CELF2: variants seen among roughly 807,000 people sequenced by gnomAD.
The protein encoded by CELF2 is CUGBP Elav-like family member 2, also known as CUG triplet repeat RNA-binding protein 2.
A neutral mutation model predicts 62.6 loss-of-function variants in CELF2; 8 were observed. The ratio of observed to expected loss-of-function variants is 0.13; its 90% CI spans 0.07 to 0.23. The LOEUF (loss-of-function observed/expected upper bound fraction) is 0.23. CELF2 is among the 10% of genes least tolerant of loss of function. The pLI is 1.00. For missense variants in CELF2, 333 were observed against 671.0 expected (o/e 0.50, Z 5.56); for synonymous variants, 258 against 250.0 (o/e 1.03, Z -0.30).
In CELF2 at chr10:11,224,279, G is replaced by A. The variant is rs185756362; in HGVS notation, c.354+6772G>A. ...CTTGTGTGAGAAAGTATGTTAACGC[G>A]CTGGTACTGGTGCCTGATCAGATTT... is the stretch of plus-strand genomic sequence containing the variant. On this transcript the variant is annotated intron_variant, in intron 3 of 12. Coordinates refer to ENST00000633077, the MANE Select transcript of CELF2 (RefSeq NM_001326342.2). This position sits in a 1 kb window ranked among gnomAD's most constrained non-coding sequence, Gnocchi z 4.5. Among the ~76,000 whole-genome samples, 69 of 152,236 alleles carry A rather than the reference G, an allele frequency of 4.5e-4. No individual in the cohort carries two copies. Among genetic ancestry groups the A allele is most frequent in the African/African-American group, 1.4e-3 (60 of 41,530 alleles).
At chr10:10,797,721 G>A (rs1287949272), upstream of CELF2, among the ~76,000 whole-genome samples, 1 of 152,194 alleles carries the variant, frequency 6.6e-6, no homozygotes, top group African/African-American at 2.4e-5. Flanking sequence ...GAGGGCAGGA[G>A]GAAGAGCTTC....
chr10:10,482,507 C>T, the CELF2 span, among the ~76,000 whole-genome samples: 1 of 152,146 alleles, frequency 6.6e-6, no homozygotes, highest in African/African-American at 2.4e-5. Flanking sequence ...TTCATACAAC[C>T]TTAACTATGC....
chr10:11,230,461 G>A (rs1434214142), intron 3 of CELF2, among the ~76,000 whole-genome samples: 4 of 152,292 alleles, frequency 2.6e-5, no homozygotes, highest in Non-Finnish European at 5.9e-5. Flanking sequence ...CACACTTCTC[G>A]CAAGTGCTGG....
At chr10:10,774,168 C>T in the CELF2 span, among the ~76,000 whole-genome samples, 2 of 152,212 alleles carry the variant, frequency 1.3e-5, no homozygotes, top group East Asian at 3.9e-4. Flanking sequence ...TAAGCATTCA[C>T]TCATCAGTGT....
chr10:10,911,623 C>A (rs549528463), intron 1 of CELF2, among the ~76,000 whole-genome samples: 3 of 152,358 alleles, frequency 2.0e-5, no homozygotes, highest in African/African-American at 7.2e-5. Context: ...CACGGCAGCG[C>A]CTCTCCGCAA....
chr10:10,988,289 A>C (rs895984711), intron 2 of CELF2, among the ~76,000 whole-genome samples: 2 of 150,100 alleles, frequency 1.3e-5, no homozygotes, highest in African/African-American at 5.0e-5. Context: ...ATATATATAT[A>C]TATATAGAGA....
chr10:11,022,210 G>A (rs1227346364), intron 1 of CELF2, among the ~76,000 whole-genome samples: 1 of 152,138 alleles, frequency 6.6e-6, no homozygotes, highest in Admixed American at 6.6e-5. Context: ...TTTTTGAAGT[G>A]TTTTTTTCAG....
chr10:11,277,296 A>G (rs1481008276), intron 8 of CELF2, among the ~76,000 whole-genome samples: 3 of 152,186 alleles, frequency 2.0e-5, no homozygotes, highest in Non-Finnish European at 2.9e-5. Flanking sequence ...TGCACATGTT[A>G]TGGAGTGACC....
At chr10:11,108,709 TCTCCA>T (rs1169719242) in intron 1 of CELF2, among the ~76,000 whole-genome samples, 15 of 152,224 alleles carry the variant, frequency 9.9e-5, no homozygotes, top group African/African-American at 3.6e-4. Context: ...TTTCCCCACG[TCTCCA>T]CTTGGTGTTG....
chr10:10,915,184 G>C (rs982220004), intron 1 of CELF2, among the ~76,000 whole-genome samples: 3 of 150,450 alleles, frequency 2.0e-5, no homozygotes, highest in Non-Finnish European at 3.0e-5. Flanking sequence ...CTTGAAATCA[G>C]ATTATCTTGG....
intron 1 of CELF2, among the ~76,000 whole-genome samples, chr10:11,037,448 G>C (rs973949720): frequency 2.6e-5 from 4 of 152,202 alleles, no homozygotes; most frequent in Non-Finnish European, 5.9e-5. Flanking sequence ...GGGGGAAGCT[G>C]TTTCTCAACT....
intron 1 of CELF2, among the ~76,000 whole-genome samples, chr10:11,122,592 TC>T (rs2057965176): frequency 6.6e-6 from 1 of 152,218 alleles, no homozygotes; most frequent in African/African-American, 2.4e-5. Context: ...CCAGAAGGCT[TC>T]CTCACTTGAT....
intron 1 of CELF2, among the ~76,000 whole-genome samples, chr10:11,121,810 C>T (rs760460790): frequency 1.3e-5 from 2 of 151,868 alleles, no homozygotes; most frequent in East Asian, 1.9e-4. Flanking sequence ...ACTGTCTTTC[C>T]GGAGGTCTTA....
the CELF2 span, among the ~76,000 whole-genome samples, chr10:10,722,242 T>A: frequency 1.3e-5 from 2 of 152,086 alleles, no homozygotes; most frequent in African/African-American, 4.8e-5. Context: ...TTGGATGCTG[T>A]AGTGAGCTGT....
intron 1 of CELF2, among the ~76,000 whole-genome samples, chr10:10,841,293 G>A (rs529077931): frequency 2.0e-5 from 3 of 151,598 alleles, no homozygotes; most frequent in Non-Finnish European, 4.4e-5. Context: ...AATTCTAAAA[G>A]GTCCAAATTG....
chr10:10,846,905 G>T (rs887617397), intron 1 of CELF2, among the ~76,000 whole-genome samples: 3 of 152,152 alleles, frequency 2.0e-5, no homozygotes, highest in Non-Finnish European at 4.4e-5. Context: ...CCATGTGATT[G>T]CAGGTTTTGG....
the CELF2 span, among the ~76,000 whole-genome samples, chr10:10,579,209 T>C: frequency 2.6e-5 from 4 of 152,336 alleles, no homozygotes; most frequent in East Asian, 1.9e-4. Context: ...GGAGACATAG[T>C]AAAATTCAAA....
intron 1 of CELF2, among the ~76,000 whole-genome samples, chr10:10,874,570 G>A (rs1241197220): frequency 6.6e-6 from 1 of 151,964 alleles, no homozygotes; most frequent in Non-Finnish European, 1.5e-5. Flanking sequence ...GAGAAGAAAA[G>A]CATTGTTCTC....
At chr10:10,919,883 C>T (rs2064724259) in intron 1 of CELF2, 1 of 911,516 alleles carries the variant, frequency 1.1e-6, no homozygotes, top group Non-Finnish European at 1.4e-6. Flanking sequence ...TACCATAATA[C>T]TTATTATGTG....
Sources: allele counts gnomAD v4.1 joint callset (sites outside exome capture counted in the v4.1 genomes callset), GRCh38; gene constraint gnomAD v4.1.1; non-coding constraint Gnocchi (gnomAD v3.1); transcripts MANE v1.5; gene names NCBI Gene and HGNC (gene_info 2026-07-23, HGNC 2026-07-21).